Variants in EFCAB6 observed in about 807,000 individuals in gnomAD.
EFCAB6 encodes the protein EF-hand calcium-binding domain-containing protein 6.
EFCAB6 carries 156 observed loss-of-function variants against 169.8 expected under a neutral mutation model. That is an observed-to-expected ratio of 0.92 (90% CI 0.81 to 1.05). The LOEUF is 1.05. EFCAB6 is among the 50% of genes least tolerant of loss of function. The probability of loss-of-function intolerance (pLI) is 0.00; values close to 1 mark genes in which losing one functional copy is unlikely to be tolerated. For synonymous variants in EFCAB6, 698 were observed against 676.4 expected (o/e 1.03, Z -0.50); for missense variants, 1,800 against 1,829.1 (o/e 0.98, Z 0.29).
rs540375097 is a variant in EFCAB6 at position 43,609,527 on chromosome 22, G to T, written c.2563-927C>A. On this transcript the variant is annotated intron_variant, in intron 21 of 31. Transcript: ENST00000262726. ...AGTTTTTACATATCAGACACAGAAAGTGAAATTTTAAAAGATAACATTTAC... is the reference window on the plus strand; with the variant it reads ...AGTTTTTACATATCAGACACAGAAATTGAAATTTTAAAAGATAACATTTAC... Among the ~76,000 whole-genome samples, 38 of 152,226 alleles carry T rather than the reference G, an allele frequency of 2.5e-4. No individual in the cohort carries two copies. In the East Asian group the frequency reaches 3.1e-3, roughly 12 times the overall value.
Position 43,773,096 on chromosome 22 carries a change from A to G in EFCAB6, c.147T>C (p.Ala49=). ...AGGAGGACAGTGTTGGATTTGCAAC[A>G]GCTGTGGCTATAAAAGAGATACAGC... ...PNKFRSSSTT[A]VANPTLSSLD... The change falls in exon 4 of 32, where the codon GCT becomes GCC. Residue 49 remains alanine, a synonymous_variant. Coordinates refer to ENST00000262726, the MANE Select transcript of EFCAB6 (RefSeq NM_022785.4). 1.2e-6 allele frequency: 2 copies of G among 1,614,232 alleles called. No homozygotes were observed. The highest frequency in any genetic ancestry group is 2.7e-5 in the African/African-American group (2 of 75,072).
intron 27 of EFCAB6, chr22:43,554,619 G>A (rs541666128): frequency 4.0e-5 from 20 of 496,984 alleles, no homozygotes; most frequent in Non-Finnish European, 6.1e-5. Flanking sequence ...TGTGGGAGCC[G>A]AAGCGGAGTT....
intron 12 of EFCAB6, among the ~76,000 whole-genome samples, chr22:43,681,473 TG>T (rs1474965031): frequency 2.0e-5 from 3 of 152,360 alleles, no homozygotes; most frequent in African/African-American, 7.2e-5. Context: ...CCTCAGAGAA[TG>T]AGTCTGGAAG....
chr22:43,641,843 A>G (rs966263546), intron 17 of EFCAB6, among the ~76,000 whole-genome samples: 1 of 152,220 alleles, frequency 6.6e-6, no homozygotes, highest in Non-Finnish European at 1.5e-5. Flanking sequence ...TCTTCTGAAA[A>G]TATCAGTTAA....
intron 5 of EFCAB6, among the ~76,000 whole-genome samples, chr22:43,758,449 T>TA (rs2147880262): frequency 6.6e-6 from 1 of 152,332 alleles, no homozygotes; most frequent in African/African-American, 2.4e-5. Context: ...AATGTGCATA[T>TA]ATAACATTTC....
chr22:43,539,613 C>A (rs149794977), intron 28 of EFCAB6, among the ~76,000 whole-genome samples: 2 of 152,280 alleles, frequency 1.3e-5, no homozygotes, highest in African/African-American at 4.8e-5. Flanking sequence ...CCGTCCCAGG[C>A]CTGGGGTGGC....
At chr22:43,703,254 C>A (rs933946551) in intron 10 of EFCAB6, among the ~76,000 whole-genome samples, 1 of 152,220 alleles carries the variant, frequency 6.6e-6, no homozygotes, top group African/African-American at 2.4e-5. Context: ...TCAGAGCCAA[C>A]ACAGTAGCCC....
At chr22:43,738,490 CAT>C (rs1442099551) in intron 6 of EFCAB6, among the ~76,000 whole-genome samples, 5 of 149,452 alleles carry the variant, frequency 3.3e-5, no homozygotes, top group East Asian at 2.0e-4. Context: ...CACACACACA[CAT>C]GCACATATAC....
chr22:43,787,356 ACACACAC>A (rs1569489427), intron 2 of EFCAB6, among the ~76,000 whole-genome samples: 1 of 92,062 alleles, frequency 1.1e-5, no homozygotes, highest in Non-Finnish European at 2.3e-5. Flanking sequence ...ACATATGCAC[ACACACAC>A]ACACACACAC....
At chr22:43,577,736 G>A (rs927690493) in intron 25 of EFCAB6, among the ~76,000 whole-genome samples, 1 of 152,104 alleles carries the variant, frequency 6.6e-6, no homozygotes, top group African/African-American at 2.4e-5. Flanking sequence ...GCAGGCTCAG[G>A]TGTGAAGAGG....
At position 43,628,874 on chromosome 22, in the gene EFCAB6, A is replaced by T. The variant is rs904431803; in HGVS notation, c.2233-2195T>A. On this transcript the variant is annotated intron_variant, in intron 19 of 31. Transcript: ENST00000262726. The surrounding 1 kb of genome is among the most constrained non-coding windows in gnomAD (Gnocchi z 4.8). ...CTGCACTTCCCCCTAGAACATAAGC[A>T]TGAGTCTGGGCTCTGATCTGTTCCC... Among the ~76,000 whole-genome samples, 1 of 152,116 alleles carries T rather than the reference A, an allele frequency of 6.6e-6. No individual in the cohort carries two copies. Among genetic ancestry groups the T allele is most frequent in the African/African-American group, 2.4e-5 (1 of 41,438 alleles).
intron 26 of EFCAB6, among the ~76,000 whole-genome samples, chr22:43,571,070 G>C (rs770705000): frequency 6.6e-6 from 1 of 152,216 alleles, no homozygotes; most frequent in African/African-American, 2.4e-5. Flanking sequence ...CAGGAAGCCC[G>C]CGGCCCTTGC....
chr22:43,648,666 T>C (rs2056310148), intron 17 of EFCAB6, among the ~76,000 whole-genome samples: 1 of 152,106 alleles, frequency 6.6e-6, no homozygotes, highest in Non-Finnish European at 1.5e-5. Flanking sequence ...TTCTGCAAAA[T>C]ACCCACGTAA....
intron 7 of EFCAB6, 94 bp downstream of exon 7, chr22:43,735,763 G>C: frequency 6.9e-7 from 1 of 1,440,858 alleles, no homozygotes; most frequent in Non-Finnish European, 9.4e-7. Context: ...GGGGAGGTGA[G>C]AGATGGATGG....
At chr22:43,724,734 A>G (rs1727315967) in intron 8 of EFCAB6, among the ~76,000 whole-genome samples, 1 of 152,076 alleles carries the variant, frequency 6.6e-6, no homozygotes, top group African/African-American at 2.4e-5. Context: ...AAAGTTCTAG[A>G]CTTTCTCTTG....
rs763313256 is a variant in EFCAB6 at position 43,628,011 on chromosome 22, A to AG, written c.2233-1333dup. On this transcript the variant is annotated intron_variant, in intron 19 of 31. Coordinates refer to ENST00000262726, the MANE Select transcript of EFCAB6 (RefSeq NM_022785.4). The surrounding 1 kb of genome is among the most constrained non-coding windows in gnomAD (Gnocchi z 4.8). ...GGAGGCTGATGTCTAACTCTGCCCG[A>AG]GGGGGCCTCCTGGGGTGCAGGCCCA... Among the ~76,000 whole-genome samples, 7 of 152,102 alleles carry AG rather than the reference A, an allele frequency of 4.6e-5. No individual in the cohort carries two copies. The highest frequency in any genetic ancestry group is 1.7e-4 in the African/African-American group (7 of 41,404).
rs1569194356 is a variant in EFCAB6, at chr22:43,580,664, T to A, written c.3033-5A>T. On this transcript the variant is annotated splice_polypyrimidine_tract_variant and splice_region_variant and intron_variant, in intron 24 of 31. Coordinates refer to ENST00000262726, the MANE Select transcript of EFCAB6 (RefSeq NM_022785.4). The stretch of plus-strand genomic sequence containing the variant: ...TCATGCCGGCTGACTCCCCAACTTG[T>A]CCCAAAAGGAAGAAAAGAACATATT... The A allele has an allele frequency of 2.5e-6, 4 of 1,613,018 alleles. No homozygotes were observed. The South Asian group carries it at 4.4e-5, about 18-fold the overall frequency.
At chr22:43,776,115 T>A (rs1034369422) in intron 3 of EFCAB6, among the ~76,000 whole-genome samples, 2 of 152,244 alleles carry the variant, frequency 1.3e-5, no homozygotes, top group Admixed American at 1.3e-4. Context: ...CAGCCTGGGA[T>A]ATCTAAGCGG....
intron 8 of EFCAB6, among the ~76,000 whole-genome samples, chr22:43,730,506 G>A (rs1172813622): frequency 2.0e-5 from 3 of 151,716 alleles, no homozygotes. Flanking sequence ...ATTTTCTTGA[G>A]TTTCGTTTAA....
Sources: gnomAD v4.1 joint callset for allele counts (sites outside exome capture counted in the v4.1 genomes callset) on GRCh38, gnomAD v4.1.1 for gene constraint, Gnocchi (gnomAD v3.1) non-coding constraint, MANE v1.5 for transcripts, NCBI Gene and HGNC (gene_info 2026-07-23, HGNC 2026-07-21) for gene names.